Variants in SSBP3 observed in about 807,000 individuals in gnomAD.
The protein encoded by SSBP3 is single stranded DNA binding protein 3.
SSBP3 carries 5 observed loss-of-function variants against 69.6 expected under a neutral mutation model. The observed-to-expected ratio is 0.07, with a 90% CI of 0.04 to 0.15. SSBP3 has a LOEUF of 0.15. Among genes scored for constraint, SSBP3 ranks in the 10% least tolerant of loss-of-function variants. SSBP3 has a pLI of 1.00. For synonymous variants in SSBP3, 196 were observed against 193.4 expected (o/e 1.01, Z -0.11); for missense variants, 312 against 534.0 (o/e 0.58, Z 4.10).
chr1:54,251,555 G>A (rs1215106424), intron 9 of SSBP3, 61 bp downstream of exon 9: 1 of 1,497,488 alleles, frequency 6.7e-7, no homozygotes, highest in Non-Finnish European at 9.1e-7. Flanking sequence ...ATGGAAACAG[G>A]AGAGAAGGCG....
At chr1:54,406,036 T>TGGGCGCCGAGCCTCGCCGC (rs1553151690) in exon 1 of SSBP3, 3 of 1,329,544 alleles carry the variant, frequency 2.3e-6, no homozygotes, top group Non-Finnish European at 3.0e-6. Context: ...GCGCCGAGCC[T>TGGGCGCCGAGCCTCGCCGC]CGCCGCCGCC....
Position 54,316,653 on chromosome 1 carries a change from A to AAT in SSBP3, c.277-35127_277-35126insAT, listed in dbSNP as rs1438447162. 1.3e-4 allele frequency among the ~76,000 whole-genome samples: 7 copies of AAT among 53,856 alleles called. No individual in the cohort carries two copies. In the East Asian group the frequency reaches 5.3e-3, roughly 40 times the overall value. The allele number at this position is 53,856 out of a possible 152,430, so 35.3% of individuals were successfully genotyped here. A position where few individuals can be genotyped will look rare whatever the true frequency, so the allele number is the denominator to read the frequency against. ...ACAGAGCGAGACTCCGTCTCAAAAA[A>AAT]AAAAAATAAAATAAATAAATAAATA... On this transcript the variant is annotated intron_variant, in intron 4 of 17. Coordinates refer to ENST00000610401, the Ensembl canonical transcript of SSBP3.
intron 4 of SSBP3, among the ~76,000 whole-genome samples, chr1:54,350,896 T>A (rs1180012992): frequency 6.6e-6 from 1 of 152,136 alleles, no homozygotes; most frequent in African/African-American, 2.4e-5. Flanking sequence ...AGTGCAGTGG[T>A]GCAATCATAG....
At chr1:54,355,247 T>A (rs898632135) in intron 4 of SSBP3, among the ~76,000 whole-genome samples, 1 of 152,266 alleles carries the variant, frequency 6.6e-6, no homozygotes, top group Non-Finnish European at 1.5e-5. Context: ...ATGAGGCTAC[T>A]GTGCTCAACT....
Position 54,402,014 on chromosome 1 carries a change from G to A in SSBP3, c.192-69C>T, listed in dbSNP as rs1027532938. ...CTTGTGTACACAAGGGCAAGTGCACGATGCATGGCGCTAACAGTACTAGGT... is the reference window on the plus strand; with the variant it reads ...CTTGTGTACACAAGGGCAAGTGCACAATGCATGGCGCTAACAGTACTAGGT... On this transcript the variant is annotated intron_variant, in intron 3 of 17. Coordinates refer to ENST00000610401, the Ensembl canonical transcript of SSBP3. 36 of 1,352,624 alleles carry A rather than the reference G, an allele frequency of 2.7e-5. No individual in the cohort carries two copies. In the East Asian group the frequency reaches 3.5e-4, roughly 13 times the overall value. The allele number at this position is 1,352,624 out of a possible 1,614,324, so 83.8% of individuals were successfully genotyped here. A position where few individuals can be genotyped will look rare whatever the true frequency, so the allele number is the denominator to read the frequency against.
At chr1:54,251,927 T>C (rs1644837594) in intron 7 of SSBP3, 67 bp from the exon 8 acceptor site, 2 of 1,373,080 alleles carry the variant, frequency 1.5e-6, no homozygotes, top group Admixed American at 1.8e-5. Context: ...GACAGGCATC[T>C]ACCTGTCCCA....
intron 5 of SSBP3, among the ~76,000 whole-genome samples, chr1:54,260,657 C>T (rs111781696): frequency 0.017 from 2,600 of 152,298 alleles, 88 homozygotes; most frequent in East Asian, 0.061. Flanking sequence ...TTGCTCTTGG[C>T]GCAGCTGCCT....
intron 14 of SSBP3, chr1:54,238,375 T>A: frequency 2.1e-6 from 1 of 468,204 alleles, no homozygotes; most frequent in Non-Finnish European, 4.4e-6. Context: ...CCTGAGCTCC[T>A]GGAGGGGCAA....
In SSBP3 at chr1:54,258,202, G is replaced by C; in HGVS notation, c.367-53C>G. ...TATAGATCACAGCACATGGAGAAGC[G>C]CAGAAGCAGCTTAAAAGAACAAAAA... On this transcript the variant is annotated intron_variant, in intron 5 of 17. Transcript: ENST00000610401. The surrounding 1 kb of genome is among the most constrained non-coding windows in gnomAD (Gnocchi z 4.5). 1.5e-6 allele frequency: 2 copies of C among 1,342,028 alleles called. No individual in the cohort carries two copies. Among genetic ancestry groups the C allele is most frequent in the Non-Finnish European group, 2.0e-6 (2 of 1,022,774 alleles). 83.1% of individuals were successfully genotyped at this position (1,342,028 alleles called of 1,614,324 possible). A position where few individuals can be genotyped will look rare whatever the true frequency, so the allele number is the denominator to read the frequency against.
At chr1:54,286,803 G>A (rs1274825404) in intron 4 of SSBP3, 6 of 152,242 alleles carry the variant, frequency 3.9e-5, no homozygotes, top group African/African-American at 1.4e-4. Context: ...GGAACTTTCT[G>A]CTCTGGGCAA....
rs191991979 is a variant in SSBP3 at position 54,370,884 on chromosome 1, G to A, written c.276+30977C>T. 2.7e-3 allele frequency among the ~76,000 whole-genome samples: 408 copies of A among 151,926 alleles called. 4 individuals are homozygous for A. The highest frequency in any genetic ancestry group is 2.5e-3 in the Non-Finnish European group (173 of 67,972). ...TTTTAGACTTGGGAACGGTTCCCCC[G>A]TCATACAAGATCAAGGGATCCCAGT... On this transcript the variant is annotated intron_variant, in intron 4 of 17. Transcript: ENST00000610401.
intron 5 of SSBP3, among the ~76,000 whole-genome samples, chr1:54,268,358 G>A (rs1317214859): frequency 1.3e-5 from 2 of 152,258 alleles, no homozygotes; most frequent in African/African-American, 4.8e-5. Context: ...TGACAACACA[G>A]CGAAGGTGAT....
At chr1:54,288,889 G>A (rs986422771) in intron 4 of SSBP3, among the ~76,000 whole-genome samples, 27 of 151,806 alleles carry the variant, frequency 1.8e-4, no homozygotes, top group African/African-American at 3.9e-4. Context: ...GTGTGGTGGC[G>A]GGTGCCTGTA....
intron 1 of SSBP3, 89 bp downstream of exon 1, chr1:54,405,864 G>GCGGGGGGGGGCCCCCCC: frequency 7.2e-6 from 1 of 138,886 alleles, no homozygotes; most frequent in Non-Finnish European, 1.5e-5. Flanking sequence ...GCAGCCTCCG[G>GCGGGGGGGGGCCCCCCC]CCCCCGCCCG....
chr1:54,353,729 T>G (rs1646820169), intron 4 of SSBP3, among the ~76,000 whole-genome samples: 1 of 152,168 alleles, frequency 6.6e-6, no homozygotes, highest in Non-Finnish European at 1.5e-5. Context: ...GGAGTGGCAT[T>G]CAGCAAACCC....
rs976233730 is a variant in SSBP3 at position 54,228,441 on chromosome 1, A to G, written c.1035+8T>C. The G allele has an allele frequency of 1.9e-6, 3 of 1,614,118 alleles. No individual in the cohort carries two copies. In the African/African-American group the frequency reaches 4.0e-5, roughly 22 times the overall value. The stretch of plus-strand genomic sequence containing the variant: ...GGGCGCCGCCAGGGAGACCGAGTGC[A>G]CACTCACTTTTGGAAGTCCGTCTAT... On this transcript the variant is annotated splice_region_variant and intron_variant, in intron 16 of 17. Transcript: ENST00000610401.
At chr1:54,264,066 C>T (rs1236670163) in intron 5 of SSBP3, among the ~76,000 whole-genome samples, 1 of 152,102 alleles carries the variant, frequency 6.6e-6, no homozygotes, top group Non-Finnish European at 1.5e-5. Flanking sequence ...TTTGGGAGGC[C>T]GAGGCAGGAG....
intron 4 of SSBP3, among the ~76,000 whole-genome samples, chr1:54,291,178 T>C (rs765678112): frequency 6.6e-6 from 1 of 151,576 alleles, no homozygotes; most frequent in Admixed American, 6.6e-5. Context: ...AAGTTTAAAA[T>C]AAATCATTAA....
intron 4 of SSBP3, among the ~76,000 whole-genome samples, chr1:54,321,816 A>G (rs1392370411): frequency 1.3e-5 from 2 of 152,158 alleles, no homozygotes; most frequent in Admixed American, 6.5e-5. Context: ...GACCAGGCTC[A>G]AGATAGAATG....
Sources: gnomAD v4.1 joint callset for allele counts (sites outside exome capture counted in the v4.1 genomes callset) on GRCh38, gnomAD v4.1.1 for gene constraint, Gnocchi (gnomAD v3.1) non-coding constraint, MANE v1.5 for transcripts, NCBI Gene and HGNC (gene_info 2026-07-23, HGNC 2026-07-21) for gene names.